The following GLYATL2 variants were observed in gnomAD, a reference collection of about 807,000 sequenced individuals.
The protein encoded by GLYATL2 is glycine N-acyltransferase-like protein 2.
A neutral mutation model predicts 21.4 loss-of-function variants in GLYATL2; 25 were observed. The ratio of observed to expected loss-of-function variants is 1.17; its 90% confidence interval spans 0.85 to 1.63. GLYATL2 has a LOEUF of 1.63. Ranked by LOEUF, GLYATL2 falls within the 40% of genes most tolerant of loss-of-function variation. The pLI is 0.00. For synonymous variants in GLYATL2, 114 were observed against 118.2 expected, an observed-to-expected ratio of 0.96 and a Z score of 0.23; for missense variants, 361 against 343.3, an observed-to-expected ratio of 1.05 and a Z score of -0.41.
At chr11:58,852,019 C>T (rs1245806404) in intron 1 of GLYATL2, among the ~76,000 whole-genome samples, 1 of 152,192 alleles carries the variant, frequency 6.6e-6, no homozygotes, top group African/African-American at 2.4e-5. Context: ...GATTGATCCA[C>T]TAGAAGCATC....
chr11:58,888,147 T>G (rs1854475449), intron 1 of GLYATL2, among the ~76,000 whole-genome samples: 1 of 152,182 alleles, frequency 6.6e-6, no homozygotes, highest in Non-Finnish European at 1.5e-5. Context: ...TTATGTTGTT[T>G]GACCATTTTT....
intron 1 of GLYATL2, among the ~76,000 whole-genome samples, chr11:58,861,700 C>T (rs1237979133): frequency 6.6e-6 from 1 of 151,716 alleles, no homozygotes; most frequent in Non-Finnish European, 1.5e-5. Context: ...TTTGAAGCAT[C>T]TTACAAGTTT....
At chr11:58,881,627 GT>G (rs1370710480) in intron 1 of GLYATL2, among the ~76,000 whole-genome samples, 1 of 152,100 alleles carries the variant, frequency 6.6e-6, no homozygotes, top group Non-Finnish European at 1.5e-5. Context: ...TAGGGAACAT[GT>G]GCACAATGTG....
chr11:58,851,160 G>GGCATTC (rs1198319994), intron 1 of GLYATL2, among the ~76,000 whole-genome samples: 3 of 152,142 alleles, frequency 2.0e-5, no homozygotes, highest in Non-Finnish European at 4.4e-5. Flanking sequence ...AGTGCAGCCA[G>GGCATTC]GCATTCGGGG....
chr11:58,907,408 T>C (rs1482124881), upstream of GLYATL2: 1 of 456,112 alleles, frequency 2.2e-6, no homozygotes, highest in Non-Finnish European at 4.4e-6. Context: ...CGCATCTCAG[T>C]TGTCACCATC....
chr11:58,838,506 G>A, intron 2 of GLYATL2, 138 bp from the exon 3 acceptor site: 1 of 540,858 alleles, frequency 1.8e-6, no homozygotes, highest in Non-Finnish European at 3.3e-6. Context: ...GTGCTTCCAG[G>A]ATGGCTCATT....
intron 2 of GLYATL2, among the ~76,000 whole-genome samples, chr11:58,839,200 G>A (rs1853498623): frequency 6.6e-6 from 1 of 152,118 alleles, no homozygotes; most frequent in South Asian, 2.1e-4. Flanking sequence ...TTTAAAACCA[G>A]GGAGTGATAT....
chr11:58,838,504 A>G (rs1175950185), intron 2 of GLYATL2, 136 bp from the exon 3 acceptor site: 6 of 542,978 alleles, frequency 1.1e-5, no homozygotes, highest in Non-Finnish European at 2.0e-5. Context: ...CAGTGCTTCC[A>G]GGATGGCTCA....
chr11:58,843,134 T>A (rs1853582837), intron 1 of GLYATL2, among the ~76,000 whole-genome samples: 1 of 152,158 alleles, frequency 6.6e-6, no homozygotes, highest in African/African-American at 2.4e-5. Context: ...CAATGTTAAG[T>A]GAGGACTAAT....
At chr11:58,892,798 A>G (rs1464701062) in intron 1 of GLYATL2, 2 of 326,744 alleles carry the variant, frequency 6.1e-6, no homozygotes. Context: ...GCAAGCTTGG[A>G]AGTAGGGATG....
intron 1 of GLYATL2, among the ~76,000 whole-genome samples, chr11:58,901,260 G>C (rs116175053): frequency 6.6e-6 from 1 of 152,116 alleles, no homozygotes; most frequent in Non-Finnish European, 1.5e-5. Flanking sequence ...CCAACCAAAG[G>C]TATCAAAACA....
At chr11:58,870,073 A>C (rs1231792601) in intron 1 of GLYATL2, among the ~76,000 whole-genome samples, 2 of 152,058 alleles carry the variant, frequency 1.3e-5, no homozygotes, top group African/African-American at 4.8e-5. Context: ...CAGCCACTGC[A>C]CTCTAGCCTG....
At chr11:58,883,507 A>T (rs976975425) in intron 1 of GLYATL2, among the ~76,000 whole-genome samples, 11 of 152,166 alleles carry the variant, frequency 7.2e-5, no homozygotes, top group African/African-American at 2.7e-4. Flanking sequence ...CCCTCCCAAG[A>T]CTAAACCAAG....
intron 1 of GLYATL2, among the ~76,000 whole-genome samples, chr11:58,884,280 TG>T (rs1296504889): frequency 7.2e-5 from 11 of 152,334 alleles, no homozygotes; most frequent in Admixed American, 6.5e-4. Context: ...AAATTGTCCC[TG>T]TTTGCAGATG....
At chr11:58,907,571 G>A (rs577600157), upstream of GLYATL2, 104 of 354,378 alleles carry the variant, frequency 2.9e-4, no homozygotes, top group South Asian at 2.2e-3. Context: ...GACTTTTAAT[G>A]TTCCTGACTA....
intron 1 of GLYATL2, among the ~76,000 whole-genome samples, chr11:58,868,400 C>G (rs1220197243): frequency 6.7e-6 from 1 of 148,716 alleles, no homozygotes; most frequent in Non-Finnish European, 1.5e-5. Flanking sequence ...TGATTGCTTC[C>G]TTAGGTCTCC....
At chr11:58,842,547 C>T (rs1160955328) in intron 1 of GLYATL2, among the ~76,000 whole-genome samples, 1 of 147,706 alleles carries the variant, frequency 6.8e-6, no homozygotes, top group Non-Finnish European at 1.5e-5. Flanking sequence ...GGTGTCCAGT[C>T]TGGGGTGGGT....
intron 1 of GLYATL2, among the ~76,000 whole-genome samples, chr11:58,878,640 A>G (rs779506294): frequency 6.6e-6 from 1 of 152,138 alleles, no homozygotes; most frequent in Non-Finnish European, 1.5e-5. Flanking sequence ...ATTCACAGGG[A>G]TTTTGGTGTA....
chr11:58,851,167 G>A (rs971256052), intron 1 of GLYATL2, among the ~76,000 whole-genome samples: 2 of 152,000 alleles, frequency 1.3e-5, no homozygotes, highest in African/African-American at 2.4e-5. Context: ...CCAGGCATTC[G>A]GGGCCACTAC....
Sources: allele counts gnomAD v4.1 joint callset (sites outside exome capture counted in the v4.1 genomes callset), GRCh38; gene constraint gnomAD v4.1.1; transcripts MANE v1.5; gene names NCBI Gene and HGNC (gene_info 2026-07-23, HGNC 2026-07-21).